LARGE1: variants seen among roughly 807,000 people sequenced by gnomAD.
LARGE1 encodes the protein xylosyl- and glucuronyltransferase LARGE1.
LARGE1 carries 43 observed loss-of-function variants against 87.6 expected under a neutral mutation model. That is an observed-to-expected ratio of 0.49 (90% CI 0.38 to 0.63). The LOEUF is 0.63. Ranked by LOEUF, LARGE1 falls within the 30% of genes least tolerant of loss-of-function variation. LARGE1 has a pLI of 0.00. For synonymous variants in LARGE1, 434 were observed against 394.6 expected (o/e 1.10, Z -1.18); for missense variants, 802 against 1,000.2 (o/e 0.80, Z 2.67).
At chr22:33,216,390 A>T (rs1326224231) in intron 11 of LARGE1, among the ~76,000 whole-genome samples, 2 of 152,280 alleles carry the variant, frequency 1.3e-5, no homozygotes, top group East Asian at 3.9e-4. Context: ...GCACTTAGGG[A>T]GGCCGAGGCA....
chr22:33,448,441 T>G (rs1260730817), intron 6 of LARGE1, among the ~76,000 whole-genome samples: 1 of 152,206 alleles, frequency 6.6e-6, no homozygotes, highest in Non-Finnish European at 1.5e-5. Flanking sequence ...AAGAAAGTAT[T>G]ACTTGGTATA....
intron 10 of LARGE1, among the ~76,000 whole-genome samples, chr22:33,318,234 CAAA>C (rs10635054): frequency 8.8e-6 from 1 of 114,140 alleles, no homozygotes. Flanking sequence ...GACTCCATCT[CAAA>C]AAAAAAAAAA....
chr22:33,908,609 C>A (rs964288536), intron 1 of LARGE1, among the ~76,000 whole-genome samples: 22 of 152,062 alleles, frequency 1.4e-4, no homozygotes, highest in Non-Finnish European at 2.9e-5. Context: ...AAGCTTTGTG[C>A]GTCCCAATAT....
intron 6 of LARGE1, among the ~76,000 whole-genome samples, chr22:33,556,564 G>GAGGGAAGGAGGA (rs2077692198): frequency 1.7e-5 from 1 of 59,952 alleles, no homozygotes; most frequent in African/African-American, 5.2e-5. Flanking sequence ...GGGAGGGAGG[G>GAGGGAAGGAGGA]AGGCAGGCAG....
At chr22:33,552,326 AC>A (rs1214940162) in intron 6 of LARGE1, among the ~76,000 whole-genome samples, 2 of 151,854 alleles carry the variant, frequency 1.3e-5, no homozygotes, top group East Asian at 3.9e-4. Context: ...CTGTCCCTTG[AC>A]CTCCCCTCTC....
chr22:33,762,145 C>A (rs1055887599), intron 1 of LARGE1, among the ~76,000 whole-genome samples: 1 of 130,386 alleles, frequency 7.7e-6, no homozygotes, highest in Admixed American at 8.9e-5. Context: ...ACCTGGGAGG[C>A]GGAGGTTGCA....
At position 33,199,984 on chromosome 22, in the gene LARGE1, G is replaced by T. The variant is rs533450367; in HGVS notation, c.1731-33152C>A. Among the ~76,000 whole-genome samples the T allele has an allele frequency of 1.4e-4, 22 of 152,086 alleles. No individual in the cohort carries two copies. The East Asian group carries it at 4.3e-3, about 29-fold the overall frequency. ...CTGCTTCAGCCTCCTGAGTAGCTGGGATTACAGGCACCTGCCACCACACCT... is the reference window on the plus strand; with the variant it reads ...CTGCTTCAGCCTCCTGAGTAGCTGGTATTACAGGCACCTGCCACCACACCT... On this transcript the variant is annotated intron_variant, in intron 11 of 11. Transcript: ENST00000608642.
At chr22:33,444,713 A>G (rs2067617674) in intron 6 of LARGE1, among the ~76,000 whole-genome samples, 1 of 152,238 alleles carries the variant, frequency 6.6e-6, no homozygotes, top group African/African-American at 2.4e-5. Flanking sequence ...GGTCTCTGTC[A>G]ACATCATGAG....
At chr22:33,166,969 C>T (rs1922310315) in intron 11 of LARGE1, 2 of 401,488 alleles carry the variant, frequency 5.0e-6, no homozygotes, top group South Asian at 1.9e-5. Context: ...CGAAACTCCC[C>T]CTTCTCCAGT....
intron 1 of LARGE1, among the ~76,000 whole-genome samples, chr22:33,907,788 C>T (rs1434172653): frequency 6.6e-6 from 1 of 151,910 alleles, no homozygotes; most frequent in African/African-American, 2.4e-5. Context: ...TAGTAGAGAC[C>T]GGGTTTCACC....
intron 4 of LARGE1, among the ~76,000 whole-genome samples, chr22:33,610,258 A>G (rs1159560290): frequency 2.0e-5 from 3 of 152,208 alleles, no homozygotes; most frequent in Non-Finnish European, 4.4e-5. Context: ...AGAAGATGGG[A>G]AAGTCTGGAA....
chr22:33,385,189 G>T (rs2065280721), intron 7 of LARGE1, among the ~76,000 whole-genome samples: 1 of 148,436 alleles, frequency 6.7e-6, no homozygotes, highest in African/African-American at 2.4e-5. Context: ...TGAATGGAGG[G>T]TTGTTTAGGG....
chr22:33,802,543 C>T (rs747839774), intron 1 of LARGE1, among the ~76,000 whole-genome samples: 3 of 152,148 alleles, frequency 2.0e-5, no homozygotes, highest in African/African-American at 7.2e-5. Context: ...TTTTCTTCCC[C>T]GTTCTGGTTA....
At chr22:33,742,200 C>G (rs888924323) in intron 2 of LARGE1, among the ~76,000 whole-genome samples, 1 of 152,252 alleles carries the variant, frequency 6.6e-6, no homozygotes, top group East Asian at 1.9e-4. Context: ...CATTGAACCT[C>G]TGTATACTTC....
chr22:33,832,321 C>G (rs1032797994), intron 1 of LARGE1, among the ~76,000 whole-genome samples: 4 of 152,154 alleles, frequency 2.6e-5, no homozygotes, highest in South Asian at 4.1e-4. Flanking sequence ...CAGCAAAGCC[C>G]AAGCCCGAGG....
intron 13 of LARGE1, 103 bp from the exon 14 acceptor site, chr22:33,277,358 G>T: frequency 1.8e-6 from 2 of 1,110,972 alleles, no homozygotes; most frequent in African/African-American, 3.1e-5. Flanking sequence ...TGTAGTCCTC[G>T]GGTGAGTTGA....
intron 11 of LARGE1, among the ~76,000 whole-genome samples, chr22:33,256,569 A>T (rs374166370): frequency 6.8e-4 from 104 of 152,306 alleles, no homozygotes; most frequent in African/African-American, 2.3e-3. Context: ...TATTGCCATG[A>T]CCTGAATATG....
intron 5 of LARGE1, among the ~76,000 whole-genome samples, chr22:33,584,927 G>T (rs2078626245): frequency 6.6e-6 from 1 of 152,150 alleles, no homozygotes; most frequent in Admixed American, 6.5e-5. Context: ...GACCAGCCTG[G>T]CCAACATGGT....
intron 1 of LARGE1, among the ~76,000 whole-genome samples, chr22:33,829,006 CTTTTTT>C (rs776583343): frequency 1.4e-4 from 13 of 94,792 alleles, no homozygotes; most frequent in East Asian, 1.3e-3. Flanking sequence ...GTCTCTTTTT[CTTTTTT>C]TTTTTTTTTT....
Sources: allele counts gnomAD v4.1 joint callset (sites outside exome capture counted in the v4.1 genomes callset), GRCh38; gene constraint gnomAD v4.1.1; transcripts MANE v1.5; gene names NCBI Gene and HGNC (gene_info 2026-07-23, HGNC 2026-07-21).